ODF2L: variants seen among roughly 807,000 people sequenced by gnomAD.
The protein encoded by ODF2L is protein BCAP.
ODF2L carries 76 observed loss-of-function variants against 86.3 expected under a neutral mutation model. That is an observed-to-expected ratio of 0.88 (90% confidence interval 0.73 to 1.07). The LOEUF is 1.07. Ranked by LOEUF, ODF2L falls within the 50% of genes least tolerant of loss-of-function variation. ODF2L has a pLI of 0.00. For missense variants in ODF2L, 748 were observed against 717.4 expected (o/e 1.04, Z -0.49); for synonymous variants, 241 against 231.3 (o/e 1.04, Z -0.38).
chr1:86,380,470 T>C (rs1423140809), intron 7 of ODF2L, among the ~76,000 whole-genome samples: 2 of 152,144 alleles, frequency 1.3e-5, no homozygotes, highest in Admixed American at 6.6e-5. Flanking sequence ...CACGGTGTCA[T>C]CATCACACCA....
At position 86,382,227 on chromosome 1, in the gene ODF2L, ATATT is replaced by A. The variant is rs1371890902; in HGVS notation, c.624+11_624+14del. On this transcript the variant is annotated intron_variant, in intron 7 of 17. Transcript: ENST00000317336. ...TCACTTAAGCTATAAAAATGGATAT[ATATT>A]TATATATAACCTTTACATATTCTTT... 6.4e-7 allele frequency: 1 copy of A among 1,569,796 alleles called. No homozygotes were observed. The highest frequency in any genetic ancestry group is 8.6e-7 in the Non-Finnish European group (1 of 1,162,904).
At chr1:86,356,965 T>C (rs1479380500) in intron 13 of ODF2L, among the ~76,000 whole-genome samples, 1 of 152,214 alleles carries the variant, frequency 6.6e-6, no homozygotes, top group Non-Finnish European at 1.5e-5. Flanking sequence ...CTATAGGTTC[T>C]AAAGGAATTG....
intron 1 of ODF2L, among the ~76,000 whole-genome samples, chr1:86,391,366 A>G (rs1661312815): frequency 6.6e-6 from 1 of 152,230 alleles, no homozygotes; most frequent in Non-Finnish European, 1.5e-5. Context: ...ACCAAAAAAG[A>G]GCCCACATAG....
chr1:86,352,228 A>C, intron 17 of ODF2L: 1 of 1,487,466 alleles, frequency 6.7e-7, no homozygotes, highest in Non-Finnish European at 9.0e-7. Flanking sequence ...ACACAGTATC[A>C]TTATTCTCTA....
rs1175768420 is a variant in ODF2L at position 86,383,864 on chromosome 1, G to A, written c.373-668C>T. Among the ~76,000 whole-genome samples the A allele has an allele frequency of 3.3e-5, 5 of 151,782 alleles. No homozygotes were observed. In the South Asian group the frequency reaches 8.3e-4, roughly 25 times the overall value. ...AATATTCAATACATGAGAAAATATT[G>A]ATGATACAGTGTTAAGTATAAAAGT... On this transcript the variant is annotated intron_variant, in intron 4 of 17. Transcript: ENST00000317336.
At chr1:86,367,891 T>C (rs1241390726) in intron 11 of ODF2L, among the ~76,000 whole-genome samples, 1 of 152,214 alleles carries the variant, frequency 6.6e-6, no homozygotes, top group Non-Finnish European at 1.5e-5. Flanking sequence ...GTCCTATGTT[T>C]CACATTTCTG....
chr1:86,385,719 A>C, intron 2 of ODF2L, 129 bp from the exon 3 acceptor site: 1 of 594,732 alleles, frequency 1.7e-6, no homozygotes, highest in Non-Finnish European at 2.9e-6. Flanking sequence ...AGTAGCTCGA[A>C]ACTTGGACTT....
intron 2 of ODF2L, chr1:86,385,871 A>T (rs1558059902): frequency 4.7e-6 from 1 of 212,386 alleles, no homozygotes; most frequent in Admixed American, 5.7e-5. Flanking sequence ...ATTCCAAGTG[A>T]TATGGAAACT....
chr1:86,350,456 G>A (rs1658048776), exon 18 of ODF2L: 1 of 152,190 alleles, frequency 6.6e-6, no homozygotes, highest in African/African-American at 2.4e-5. Flanking sequence ...TGGCTGCATA[G>A]TATTCCATGG....
chr1:86,385,690 G>T, intron 2 of ODF2L, 100 bp from the exon 3 acceptor site: 1 of 806,422 alleles, frequency 1.2e-6, no homozygotes, highest in Non-Finnish European at 1.9e-6. Context: ...TTAATAGCAA[G>T]GACAACTTTT....
intron 7 of ODF2L, 56 bp downstream of exon 7, chr1:86,382,186 C>T (rs1444051107): frequency 6.7e-7 from 1 of 1,501,222 alleles, no homozygotes; most frequent in African/African-American, 1.4e-5. Context: ...GGCTTTATGG[C>T]CTTTCATTAA....
chr1:86,356,440 A>T lies in ODF2L; in HGVS notation c.1518+4T>A, dbSNP rs138813020. On this transcript the variant is annotated splice_donor_region_variant and intron_variant, in intron 14 of 17. Coordinates refer to ENST00000317336, the Ensembl canonical transcript of ODF2L. ...TAGCAAAACTCAGAAGGACGGCTGG[A>T]CACCTGGCCCTGAAGCTCCCTAATG... The T allele has an allele frequency of 6.3e-7, 1 of 1,595,914 alleles. No homozygotes were observed. The highest frequency in any genetic ancestry group is 8.6e-7 in the Non-Finnish European group (1 of 1,169,034).
exon 18 of ODF2L, chr1:86,352,116 T>C (rs1314470247): frequency 2.7e-6 from 4 of 1,464,186 alleles, no homozygotes; most frequent in Non-Finnish European, 3.6e-6. Flanking sequence ...AAATTGTGCA[T>C]GCCAAAAATC....
intron 1 of ODF2L, among the ~76,000 whole-genome samples, chr1:86,389,637 A>G (rs913023140): frequency 1.0e-4 from 14 of 133,680 alleles, no homozygotes; most frequent in Non-Finnish European, 2.3e-4. Context: ...AAACTGACAG[A>G]ACATTATTAG....
chr1:86,386,928 T>G, exon 2 of ODF2L: 1 of 1,565,288 alleles, frequency 6.4e-7, no homozygotes, highest in Non-Finnish European at 8.8e-7. Context: ...CTGAGATGAC[T>G]TTCACTGGTA....
chr1:86,367,574 A>G (rs1362438776), intron 11 of ODF2L, among the ~76,000 whole-genome samples: 1 of 151,652 alleles, frequency 6.6e-6, no homozygotes, highest in Non-Finnish European at 1.5e-5. Flanking sequence ...AAACAAAACA[A>G]CAACAAAAAC....
intron 7 of ODF2L, among the ~76,000 whole-genome samples, chr1:86,376,674 A>G (rs1421857286): frequency 6.6e-6 from 1 of 152,160 alleles, no homozygotes. Flanking sequence ...TCACATGGCG[A>G]CAGGAGACAG....
At chr1:86,355,334 G>A (rs1196514118) in intron 14 of ODF2L, 1 of 1,510,206 alleles carries the variant, frequency 6.6e-7, no homozygotes, top group African/African-American at 1.4e-5. Flanking sequence ...ATCAACCAAA[G>A]ACACACTCAC....
rs1661005167 is a variant in ODF2L at position 86,387,065 on chromosome 1, A to G, written c.-38T>C. The G allele has an allele frequency of 4.3e-6, 4 of 922,854 alleles. No homozygotes were observed. In the East Asian group the frequency reaches 1.1e-4, roughly 25 times the overall value. The allele number at this position is 922,854 out of a possible 1,614,324, so 57.2% of individuals were successfully genotyped here. A position where few individuals can be genotyped will look rare whatever the true frequency, so the allele number is the denominator to read the frequency against. ...TGGATTTATAGGTGGCTTCACAGCG[A>G]CTTCTCCACATAAGCTGAAAGCTAG... On this transcript the variant is annotated 5_prime_UTR_variant, in exon 2 of 18. Transcript: ENST00000317336.
Sources: allele counts gnomAD v4.1 joint callset (sites outside exome capture counted in the v4.1 genomes callset), GRCh38; gene constraint gnomAD v4.1.1; transcripts MANE v1.5; gene names NCBI Gene and HGNC (gene_info 2026-07-23, HGNC 2026-07-21).